Variants in PRDM2 observed in about 807,000 individuals in gnomAD.
The protein encoded by PRDM2 is PR/SET domain 2, also known as PR domain zinc finger protein 2.
PRDM2 carries 30 observed loss-of-function variants against 130.0 expected under a neutral mutation model. The observed-to-expected ratio is 0.23, with a 90% CI of 0.17 to 0.31. The LOEUF is 0.31. Among genes scored for constraint, PRDM2 ranks in the 10% least tolerant of loss-of-function variants. The pLI, the probability that PRDM2 is intolerant of heterozygous loss-of-function variation, is 1.00. For missense variants in PRDM2, 2,011 were observed against 2,108.4 expected (o/e 0.95, Z 0.90); for synonymous variants, 871 against 782.4 (o/e 1.11, Z -1.89).
At chr1:13,774,336 A>G (rs1644423878) in intron 7 of PRDM2, among the ~76,000 whole-genome samples, 1 of 152,266 alleles carries the variant, frequency 6.6e-6, no homozygotes, top group African/African-American at 2.4e-5. Context: ...AAATTTCAGA[A>G]GACAGGTTTG....
At position 13,778,431 on chromosome 1, in the gene PRDM2, C is replaced by G; in HGVS notation, c.636C>G (p.Asp212Glu). The G allele has an allele frequency of 6.2e-7, 1 of 1,601,646 alleles. No homozygotes were observed. The highest frequency in any genetic ancestry group is 1.1e-5 in the South Asian group (1 of 89,096). Residue 212 changes from aspartate to glutamate, a missense_variant, in exon 8 of 10, where the codon GAC (aspartate) becomes GAG (glutamate). By Grantham distance (45) the Asp-to-Glu change is conservative. Transcript: ENST00000311066. ...TGTGCTTTCTAGGTCCTAAAGAAGA[C>G]GAAGAGAAGCCTTCAGCCTCAGCAC... Reference protein sequence around the residue: ...MRDSAEGPKEDEEKPSASALE... With the variant: ...MRDSAEGPKEEEEKPSASALE...
intron 1 of PRDM2, among the ~76,000 whole-genome samples, chr1:13,711,717 T>C (rs1383353942): frequency 6.6e-6 from 1 of 152,198 alleles, no homozygotes; most frequent in African/African-American, 2.4e-5. Context: ...AGTGCTTTTG[T>C]TGTTGTACAA....
At chr1:13,783,311 G>A (rs923701387) in intron 8 of PRDM2, 12 of 370,620 alleles carry the variant, frequency 3.2e-5, no homozygotes, top group African/African-American at 2.6e-4. Flanking sequence ...TTTCAGAATT[G>A]CCAATGCTTA....
At chr1:13,807,397 G>A (rs927781615) in intron 8 of PRDM2, among the ~76,000 whole-genome samples, 4 of 152,186 alleles carry the variant, frequency 2.6e-5, no homozygotes, top group African/African-American at 7.2e-5. Flanking sequence ...CCTCCAATGC[G>A]CCCCCTCATG....
chr1:13,714,139 G>A (rs1642463100), intron 1 of PRDM2, among the ~76,000 whole-genome samples: 1 of 152,180 alleles, frequency 6.6e-6, no homozygotes, highest in Non-Finnish European at 1.5e-5. Flanking sequence ...AAAGTGCTGG[G>A]ATTACAGGCA....
chr1:13,714,469 C>T (rs1642473961), intron 1 of PRDM2, among the ~76,000 whole-genome samples: 1 of 151,736 alleles, frequency 6.6e-6, no homozygotes, highest in Non-Finnish European at 1.5e-5. Flanking sequence ...GTAGTTCAGA[C>T]GGCCAGGCCC....
chr1:13,772,804 A>G (rs915559952), intron 6 of PRDM2, among the ~76,000 whole-genome samples: 4 of 152,218 alleles, frequency 2.6e-5, no homozygotes, highest in Admixed American at 2.6e-4. Flanking sequence ...CATTATAGCT[A>G]TGAAGGGAAC....
chr1:13,768,328 C>T (rs1227677857), intron 6 of PRDM2, among the ~76,000 whole-genome samples: 1 of 151,560 alleles, frequency 6.6e-6, no homozygotes, highest in African/African-American at 2.4e-5. Context: ...CGTGATCTGC[C>T]CACCTTAGCC....
intron 7 of PRDM2, among the ~76,000 whole-genome samples, chr1:13,774,863 G>A (rs1644438574): frequency 6.6e-6 from 1 of 151,880 alleles, no homozygotes; most frequent in Non-Finnish European, 1.5e-5. Flanking sequence ...TGTAGTCCGG[G>A]AGGCTGAGGC....
chr1:13,743,185 G>A (rs1053804004), intron 5 of PRDM2, among the ~76,000 whole-genome samples: 15 of 152,042 alleles, frequency 9.9e-5, no homozygotes, highest in Non-Finnish European at 1.9e-4. Context: ...GGATCATGAG[G>A]TCAGGAGATT....
intron 6 of PRDM2, among the ~76,000 whole-genome samples, chr1:13,767,636 T>G (rs1644259501): frequency 6.6e-6 from 1 of 152,068 alleles, no homozygotes; most frequent in African/African-American, 2.4e-5. Flanking sequence ...TTTTTTCACT[T>G]GCACTTGAAA....
intron 6 of PRDM2, among the ~76,000 whole-genome samples, chr1:13,768,402 G>A (rs1240003240): frequency 2.1e-5 from 3 of 144,426 alleles, no homozygotes; most frequent in Non-Finnish European, 4.5e-5. Context: ...TTTTTAAGAT[G>A]GAGTTTTGCC....
rs565636709 is a variant in PRDM2, at chr1:13,784,959, G to C, written c.5036+2128G>C. Among the ~76,000 whole-genome samples, 12 of 152,308 alleles carry C rather than the reference G, an allele frequency of 7.9e-5. No individual in the cohort carries two copies. In the South Asian group the frequency reaches 2.5e-3, roughly 32 times the overall value. The stretch of plus-strand genomic sequence containing the variant: ...GAATTAGAAAACAGATGTTCATCAA[G>C]ATAGATTTTGACTATCTGGACACAA... On this transcript the variant is annotated intron_variant, in intron 8 of 9. Coordinates refer to ENST00000311066, the MANE Select transcript of PRDM2 (RefSeq NM_001393986.1).
intron 1 of PRDM2, among the ~76,000 whole-genome samples, chr1:13,707,252 A>G (rs1326124608): frequency 6.6e-6 from 1 of 152,200 alleles, no homozygotes; most frequent in Non-Finnish European, 1.5e-5. Flanking sequence ...TGCCAGGACC[A>G]CTACCCTGCC....
rs1350533716 is a variant in PRDM2, at chr1:13,780,080, C to T, written c.2285C>T (p.Ala762Val). 22 of 1,614,022 alleles carry T rather than the reference C, an allele frequency of 1.4e-5. No homozygotes were observed. Among genetic ancestry groups the T allele is most frequent in the Non-Finnish European group, 1.8e-5 (21 of 1,180,026 alleles). ...DFGKPSDGKA[A>V]WTDAGLTSKK... Reference sequence around the variant, plus strand: ...GGAAAGCCAAGTGATGGGAAAGCAGCATGGACCGATGCCGGGCTGACTTCC... The same window carrying T: ...GGAAAGCCAAGTGATGGGAAAGCAGTATGGACCGATGCCGGGCTGACTTCC... The change falls in exon 8 of 10, where the codon GCA (alanine) becomes GTA (valine). Residue 762 changes from alanine (A) to valine (V), a missense_variant. Coordinates refer to ENST00000311066, the MANE Select transcript of PRDM2 (RefSeq NM_001393986.1).
intron 2 of PRDM2, among the ~76,000 whole-genome samples, chr1:13,726,722 C>T (rs924986281): frequency 6.6e-6 from 1 of 152,180 alleles, no homozygotes; most frequent in Non-Finnish European, 1.5e-5. Context: ...TGTTCCAGAT[C>T]TGTTCATTGA....
At chr1:13,811,437 C>T (rs567779046) in intron 8 of PRDM2, among the ~76,000 whole-genome samples, 103 of 152,274 alleles carry the variant, frequency 6.8e-4, no homozygotes, top group African/African-American at 2.4e-3. Flanking sequence ...GTGCTGGGAG[C>T]GCACAGGCTG....
At position 13,733,866 on chromosome 1, in the gene PRDM2, T is replaced by A. The variant is rs115728908; in HGVS notation, c.231+984T>A. 7.6e-3 allele frequency among the ~76,000 whole-genome samples: 1,152 copies of A among 152,340 alleles called. 8 individuals are homozygous for A. The highest frequency in any genetic ancestry group is 0.012 in the Non-Finnish European group (807 of 68,036). ...GAGAAAAAGCATTCCTGTCAGATTGTCTGAAACTGAATCACATCTGTTTTT... is the reference window on the plus strand; with the variant it reads ...GAGAAAAAGCATTCCTGTCAGATTGACTGAAACTGAATCACATCTGTTTTT... On this transcript the variant is annotated intron_variant, in intron 4 of 9. Transcript: ENST00000311066.
chr1:13,776,201 T>A (rs907490082), intron 7 of PRDM2, among the ~76,000 whole-genome samples: 1 of 152,120 alleles, frequency 6.6e-6, no homozygotes, highest in Non-Finnish European at 1.5e-5. Flanking sequence ...TGAAGCTCTC[T>A]ATGGGTAAGG....
Sources: gnomAD v4.1 joint callset for allele counts (sites outside exome capture counted in the v4.1 genomes callset) on GRCh38, gnomAD v4.1.1 for gene constraint, MANE v1.5 for transcripts, NCBI Gene and HGNC (gene_info 2026-07-23, HGNC 2026-07-21) for gene names.